Variants in DOCK2 observed in about 807,000 individuals in gnomAD.
DOCK2 encodes dedicator of cytokinesis 2, also known as dedicator of cytokinesis protein 2.
A neutral mutation model predicts 248.9 loss-of-function variants in DOCK2; 87 were observed. The observed-to-expected ratio is 0.35, with a 90% CI of 0.29 to 0.42. The LOEUF (loss-of-function observed/expected upper bound fraction) is 0.42, where lower values mean the gene tolerates loss of function less well. Ranked by LOEUF, DOCK2 falls within the 10% of genes least tolerant of loss-of-function variation. The pLI, the probability that DOCK2 is intolerant of heterozygous loss-of-function variation, is 1.00. For synonymous variants in DOCK2, 805 were observed against 821.6 expected (o/e 0.98, Z 0.35); for missense variants, 1,747 against 2,300.2 (o/e 0.76, Z 4.92).
At chr5:169,951,992 G>T (rs566955092) in intron 27 of DOCK2, among the ~76,000 whole-genome samples, 1 of 152,180 alleles carries the variant, frequency 6.6e-6, no homozygotes, top group Non-Finnish European at 1.5e-5. Context: ...TTATACAAAT[G>T]ACATTGTTGG....
At position 169,786,247 on chromosome 5, in the gene DOCK2, G is replaced by T. The variant is rs559030857; in HGVS notation, c.2555-16811G>T. Among the ~76,000 whole-genome samples the T allele has an allele frequency of 1.1e-3, 169 of 152,252 alleles. 1 individual carries two copies. Among genetic ancestry groups the T allele is most frequent in the Middle Eastern group, 6.8e-3 (2 of 294 alleles). ...CACTCTTCTTTGGCTGGTGTTCTTT[G>T]TCTTGGCAGGGGCTGCATGTGTACT... is the stretch of plus-strand genomic sequence containing the variant. On this transcript the variant is annotated intron_variant, in intron 25 of 51. Transcript: ENST00000520908.
At chr5:170,050,991 T>G (rs1376422007) in intron 41 of DOCK2, among the ~76,000 whole-genome samples, 1 of 152,224 alleles carries the variant, frequency 6.6e-6, no homozygotes, top group East Asian at 1.9e-4. Context: ...AAGTGACTAA[T>G]TGCACTATTC....
At chr5:169,698,547 T>C (rs908322371) in intron 11 of DOCK2, 98 bp downstream of exon 11, 2 of 1,362,586 alleles carry the variant, frequency 1.5e-6, no homozygotes, top group Middle Eastern at 1.8e-4. Context: ...GAGTTAGTGA[T>C]AGGCAGGTGG....
At chr5:169,722,316 C>G (rs769954899) in intron 22 of DOCK2, among the ~76,000 whole-genome samples, 1 of 152,226 alleles carries the variant, frequency 6.6e-6, no homozygotes, top group Non-Finnish European at 1.5e-5. Flanking sequence ...GTGATGGACA[C>G]TAAGCAGCTC....
intron 27 of DOCK2, chr5:169,864,548 G>A (rs185539634): frequency 9.4e-7 from 1 of 1,065,264 alleles, no homozygotes; most frequent in East Asian, 2.7e-5. Flanking sequence ...ATATGGAAGA[G>A]CATGAGCTTT....
chr5:169,697,117 C>T (rs1248607254), intron 10 of DOCK2, among the ~76,000 whole-genome samples: 1 of 152,066 alleles, frequency 6.6e-6, no homozygotes, highest in African/African-American at 2.4e-5. Flanking sequence ...GAAATCTGAT[C>T]TAAACTGGTA....
chr5:169,720,312 AT>A (rs1437772348), intron 22 of DOCK2, among the ~76,000 whole-genome samples: 4 of 152,256 alleles, frequency 2.6e-5, no homozygotes, highest in African/African-American at 7.2e-5. Context: ...AGGATATCTT[AT>A]CCCATCTTCC....
chr5:169,990,807 A>G (rs1170329727), intron 29 of DOCK2, among the ~76,000 whole-genome samples: 2 of 152,162 alleles, frequency 1.3e-5, no homozygotes, highest in Non-Finnish European at 2.9e-5. Flanking sequence ...CAGATAGGGC[A>G]TGTCCGCCTC....
intron 25 of DOCK2, among the ~76,000 whole-genome samples, chr5:169,776,888 A>G (rs1765416071): frequency 1.3e-5 from 2 of 152,228 alleles, no homozygotes; most frequent in African/African-American, 4.8e-5. Flanking sequence ...TGAGTCAGTT[A>G]AATCTCTTTC....
At chr5:169,669,398 C>T in intron 3 of DOCK2, 70 bp downstream of exon 3, 1 of 1,542,276 alleles carries the variant, frequency 6.5e-7, no homozygotes, top group Non-Finnish European at 9.0e-7. Context: ...CCCATCTGAG[C>T]AGGTCTCTCC....
intron 27 of DOCK2, among the ~76,000 whole-genome samples, chr5:169,859,282 A>AG (rs1248713754): frequency 1.3e-5 from 2 of 152,172 alleles, no homozygotes; most frequent in African/African-American, 4.8e-5. Flanking sequence ...CCTCAGGAGT[A>AG]GGGGTGGTAT....
chr5:169,805,287 A>G (rs1262252693), intron 26 of DOCK2, among the ~76,000 whole-genome samples: 1 of 151,560 alleles, frequency 6.6e-6, no homozygotes, highest in Non-Finnish European at 1.5e-5. Flanking sequence ...CTATAGTCCT[A>G]GCTGCTTGAG....
rs1223159645 is a variant in DOCK2, at chr5:170,082,827, A to G, written c.5462A>G (p.Gln1821Arg). The G allele has an allele frequency of 1.9e-6, 3 of 1,614,092 alleles. No individual in the cohort carries two copies. In the African/African-American group the frequency reaches 4.0e-5, roughly 22 times the overall value. ...AGCAAATCGGCTGAAGAAGGCAAAC[A>G]GATCCCAGACTCGCTGTCCACGGAC... ...LASKSAEEGK[Q>R]IPDSLSTDL Residue 1821 changes from glutamine (Q) to arginine (R), a missense_variant, in exon 52 of 52, where the codon CAG becomes CGG. Transcript: ENST00000520908.
intron 37 of DOCK2, among the ~76,000 whole-genome samples, chr5:170,041,379 G>C (rs538950880): frequency 6.6e-6 from 1 of 152,312 alleles, no homozygotes; most frequent in East Asian, 1.9e-4. Context: ...ACATTTTGCA[G>C]CTTTATATAA....
At chr5:169,996,412 A>C (rs1754638134) in intron 30 of DOCK2, among the ~76,000 whole-genome samples, 1 of 152,148 alleles carries the variant, frequency 6.6e-6, no homozygotes, top group Admixed American at 6.5e-5. Context: ...TAACAAGGAG[A>C]TTTGCATTCA....
At chr5:169,677,409 T>C (rs1561590693) in intron 6 of DOCK2, among the ~76,000 whole-genome samples, 1 of 152,186 alleles carries the variant, frequency 6.6e-6, no homozygotes, top group African/African-American at 2.4e-5. Context: ...CCGCAAACTG[T>C]GTCCAGTAGT....
chr5:169,990,927 A>G (rs1473943362), intron 29 of DOCK2, among the ~76,000 whole-genome samples: 1 of 152,260 alleles, frequency 6.6e-6, no homozygotes, highest in African/African-American at 2.4e-5. Flanking sequence ...CTTCGAGGCC[A>G]TGGGCATTTA....
intron 25 of DOCK2, among the ~76,000 whole-genome samples, chr5:169,776,879 G>A (rs1389468612): frequency 2.0e-5 from 3 of 152,204 alleles, no homozygotes; most frequent in African/African-American, 7.2e-5. Flanking sequence ...GCGGAACTGT[G>A]AGTCAGTTAA....
chr5:169,925,641 A>G (rs921764870), intron 27 of DOCK2, among the ~76,000 whole-genome samples: 15 of 147,104 alleles, frequency 1.0e-4, no homozygotes, highest in African/African-American at 3.5e-4. Context: ...CAGCTCTGCC[A>G]TTGATTGGTT....
Sources: gnomAD v4.1 joint callset for allele counts (sites outside exome capture counted in the v4.1 genomes callset) on GRCh38, gnomAD v4.1.1 for gene constraint, MANE v1.5 for transcripts, NCBI Gene and HGNC (gene_info 2026-07-23, HGNC 2026-07-21) for gene names.